SUMF1: variants seen among roughly 807,000 people sequenced by gnomAD.
The protein encoded by SUMF1 is formylglycine-generating enzyme.
A neutral mutation model predicts 47.6 loss-of-function variants in SUMF1; 48 were observed. That is an observed-to-expected ratio of 1.01 (90% CI 0.80 to 1.28). The LOEUF (loss-of-function observed/expected upper bound fraction) is 1.28. SUMF1 is among the 50% of genes most tolerant of loss of function. The probability of loss-of-function intolerance (pLI) is 0.00; values close to 1 mark genes in which losing one functional copy is unlikely to be tolerated. For synonymous variants in SUMF1, 230 were observed against 192.1 expected, an observed-to-expected ratio of 1.20 and a Z score of -1.63; for missense variants, 571 against 485.4, an observed-to-expected ratio of 1.18 and a Z score of -1.66.
intron 8 of SUMF1, among the ~76,000 whole-genome samples, chr3:4,280,522 CTTATGTGAGAGGAAGGCT>C (rs1288299968): frequency 1.3e-5 from 2 of 151,926 alleles, no homozygotes; most frequent in Non-Finnish European, 2.9e-5. Context: ...GCAGGAACCC[CTTATGTGAGAGGAAGGCT>C]TTATAGAGAA....
chr3:4,038,249 C>T (rs1407813222), intron 9 of SUMF1, among the ~76,000 whole-genome samples: 5 of 152,124 alleles, frequency 3.3e-5, no homozygotes, highest in Non-Finnish European at 5.9e-5. Flanking sequence ...GGTCAGCAAT[C>T]GCTCACTGCA....
At chr3:4,038,403 CACTT>C (rs1694842972) in intron 9 of SUMF1, among the ~76,000 whole-genome samples, 1 of 152,122 alleles carries the variant, frequency 6.6e-6, no homozygotes, top group Admixed American at 6.5e-5. Context: ...GTGAATAAGA[CACTT>C]ACGGTCTTTG....
intron 8 of SUMF1, among the ~76,000 whole-genome samples, chr3:4,363,478 T>C (rs1699839722): frequency 6.6e-6 from 1 of 151,776 alleles, no homozygotes; most frequent in Non-Finnish European, 1.5e-5. Flanking sequence ...TTATTCTCTT[T>C]GAAGTAATTG....
At chr3:4,303,846 C>G in intron 8 of SUMF1, 1 of 1,333,462 alleles carries the variant, frequency 7.5e-7, no homozygotes, top group Middle Eastern at 2.1e-4. Context: ...ATTTACCTCC[C>G]TGGTCTCAGG....
chr3:4,327,641 C>A (rs1005002125), intron 8 of SUMF1, among the ~76,000 whole-genome samples: 1 of 151,796 alleles, frequency 6.6e-6, no homozygotes, highest in African/African-American at 2.4e-5. Context: ...ATATTAATAA[C>A]ATATAAAATA....
chr3:4,160,094 T>C (rs984376348), intron 8 of SUMF1, among the ~76,000 whole-genome samples: 2 of 152,152 alleles, frequency 1.3e-5, no homozygotes, highest in East Asian at 3.8e-4. Context: ...AATATCGATA[T>C]CTCTCTAGGT....
chr3:4,326,475 C>G (rs1698946932), intron 8 of SUMF1, among the ~76,000 whole-genome samples: 1 of 149,578 alleles, frequency 6.7e-6, no homozygotes, highest in East Asian at 1.9e-4. Context: ...GTCAATAACC[C>G]TATAAAGGAA....
chr3:4,414,401 C>A (rs1170595012), intron 6 of SUMF1, among the ~76,000 whole-genome samples: 1 of 152,166 alleles, frequency 6.6e-6, no homozygotes, highest in East Asian at 1.9e-4. Context: ...TCCCTGTAGT[C>A]CATCTCATTA....
At chr3:4,042,285 A>G (rs1208122588) in intron 9 of SUMF1, among the ~76,000 whole-genome samples, 1 of 152,214 alleles carries the variant, frequency 6.6e-6, no homozygotes, top group Admixed American at 6.5e-5. Context: ...TTATAACGTG[A>G]CAATTGTCCA....
chr3:4,179,715 C>T (rs950951085), intron 8 of SUMF1, among the ~76,000 whole-genome samples: 1 of 152,220 alleles, frequency 6.6e-6, no homozygotes, highest in East Asian at 1.9e-4. Flanking sequence ...AACTAAAGAG[C>T]TTCTGCACGG....
chr3:4,127,858 C>G (rs1693691352), intron 8 of SUMF1, among the ~76,000 whole-genome samples: 1 of 152,024 alleles, frequency 6.6e-6, no homozygotes, highest in Non-Finnish European at 1.5e-5. Context: ...ATGGGAAGGA[C>G]TTTACTTCTA....
chr3:4,263,681 C>A (rs1367244550), intron 8 of SUMF1, among the ~76,000 whole-genome samples: 4 of 152,158 alleles, frequency 2.6e-5, no homozygotes, highest in Admixed American at 2.0e-4. Context: ...TTTAAAGGCC[C>A]AATTCAAACA....
intron 8 of SUMF1, among the ~76,000 whole-genome samples, chr3:4,297,320 T>C (rs1407347026): frequency 6.6e-6 from 1 of 152,190 alleles, no homozygotes; most frequent in Non-Finnish European, 1.5e-5. Context: ...TGCTTCTTTT[T>C]AAAATGACTT....
At chr3:4,252,655 T>C (rs1237952377) in intron 8 of SUMF1, among the ~76,000 whole-genome samples, 1 of 152,174 alleles carries the variant, frequency 6.6e-6, no homozygotes, top group African/African-American at 2.4e-5. Flanking sequence ...TCAAGCAGTT[T>C]CCATCAAACC....
chr3:4,408,058 A>T (rs1273347679), intron 7 of SUMF1, among the ~76,000 whole-genome samples: 2 of 152,236 alleles, frequency 1.3e-5, no homozygotes, highest in Non-Finnish European at 2.9e-5. Flanking sequence ...GACACATCAC[A>T]CTATCTAGAT....
intron 8 of SUMF1, among the ~76,000 whole-genome samples, chr3:4,351,539 G>A (rs1464758575): frequency 6.6e-6 from 1 of 152,056 alleles, no homozygotes; most frequent in African/African-American, 2.4e-5. Context: ...ATGTATTTGT[G>A]CCTGGAACGA....
chr3:4,077,366 T>C (rs1692462036), intron 8 of SUMF1, among the ~76,000 whole-genome samples: 1 of 152,166 alleles, frequency 6.6e-6, no homozygotes. Context: ...CGTATGTTTA[T>C]TGTGGCACTA....
At position 4,361,981 on chromosome 3, in the gene SUMF1, T is replaced by C; in HGVS notation, c.*163A>G. The C allele has an allele frequency of 1.5e-6, 1 of 647,224 alleles. No homozygotes were observed. Among genetic ancestry groups the C allele is most frequent in the Non-Finnish European group, 2.8e-6 (1 of 357,890 alleles). 40.1% of individuals were successfully genotyped at this position (647,224 alleles called of 1,614,324 possible). A position where few individuals can be genotyped will look rare whatever the true frequency, so the allele number is the denominator to read the frequency against. ...CATAAAGCACATGCACTGACCCAGG[T>C]CAGCAATTTGGTCTCACAAGGCGGT... On this transcript the variant is annotated 3_prime_UTR_variant, in exon 9 of 9. Transcript: ENST00000272902.
intron 3 of SUMF1, among the ~76,000 whole-genome samples, chr3:4,420,743 C>G (rs75954444): frequency 0.015 from 2,317 of 152,216 alleles, 69 homozygotes; most frequent in African/African-American, 0.053. Context: ...CCTCTATAAT[C>G]TCTAACAAGT....
Sources: allele counts gnomAD v4.1 joint callset (sites outside exome capture counted in the v4.1 genomes callset), GRCh38; gene constraint gnomAD v4.1.1; transcripts MANE v1.5; gene names NCBI Gene and HGNC (gene_info 2026-07-23, HGNC 2026-07-21).